Variants in RUBCNL observed in about 807,000 individuals in gnomAD.
RUBCNL encodes the protein rubicon like autophagy enhancer.
RUBCNL carries 62 observed loss-of-function variants against 69.5 expected under a neutral mutation model. That is an observed-to-expected ratio of 0.89 (90% confidence interval 0.73 to 1.10). The LOEUF is 1.10. Among genes scored for constraint, RUBCNL ranks in the 50% least tolerant of loss-of-function variants. RUBCNL has a pLI of 0.00. For missense variants in RUBCNL, 768 were observed against 798.1 expected (o/e 0.96, Z 0.45); for synonymous variants, 291 against 303.6 (o/e 0.96, Z 0.43).
At chr13:46,382,156 TCAGTAA>T (rs1165708181) in intron 1 of RUBCNL, among the ~76,000 whole-genome samples, 2 of 152,036 alleles carry the variant, frequency 1.3e-5, no homozygotes, top group Non-Finnish European at 2.9e-5. Context: ...TATCTCAATC[TCAGTAA>T]CAGTATTTTT....
Position 46,337,114 on chromosome 13 carries a change from TTCTC to T in RUBCNL, c.*6267_*6270del, listed in dbSNP as rs753681419. 1.4e-4 allele frequency among the ~76,000 whole-genome samples: 21 copies of T among 148,662 alleles called. No homozygotes were observed. The highest frequency in any genetic ancestry group is 3.4e-4 in the Admixed American group (5 of 14,834). On this transcript the variant is annotated 3_prime_UTR_variant, in exon 15 of 15. Transcript: ENST00000429979. ...CCCTTGTAAAACAGACCCCAGGGGG[TTCTC>T]TCTCTCTCTCTTTTCCTTTTTCTTT...
At position 46,351,100 on chromosome 13, in the gene RUBCNL, A is replaced by AG. The variant is rs1337498967; in HGVS notation, c.1331-750dup. ...CAACATAGTGGGACCCCATCTCCAC[A>AG]GAAAAAAAAAAAAAATTAGCCAGGC... On this transcript the variant is annotated intron_variant, in intron 10 of 14. Coordinates refer to ENST00000429979, the MANE Select transcript of RUBCNL (RefSeq NM_025113.5). 5.3e-5 allele frequency: 7 copies of AG among 132,768 alleles called. 1 individual carries two copies. Among genetic ancestry groups the AG allele is most frequent in the African/African-American group, 2.1e-4 (6 of 28,680 alleles). 8.2% of individuals were successfully genotyped at this position (132,768 alleles called of 1,614,324 possible).
chr13:46,380,157 A>C (rs1275700172), intron 1 of RUBCNL, among the ~76,000 whole-genome samples: 3 of 152,228 alleles, frequency 2.0e-5, no homozygotes, highest in Non-Finnish European at 4.4e-5. Context: ...TGCTGTCAGA[A>C]GAACACAACA....
chr13:46,366,433 C>A (rs1454058998), intron 5 of RUBCNL, among the ~76,000 whole-genome samples: 3 of 152,144 alleles, frequency 2.0e-5, no homozygotes, highest in Non-Finnish European at 4.4e-5. Context: ...AGATGAGAGG[C>A]CCAAAGTCCC....
intron 10 of RUBCNL, chr13:46,354,874 TAAC>T (rs1386328085): frequency 5.5e-5 from 25 of 456,334 alleles, no homozygotes; most frequent in Admixed American, 3.5e-4. Context: ...CTTAGGGAAA[TAAC>T]AAAAAGTTGG....
chr13:46,335,244 TG>T lies in RUBCNL; in HGVS notation c.*8140del, dbSNP rs2048096913. On this transcript the variant is annotated 3_prime_UTR_variant, in exon 15 of 15. Coordinates refer to ENST00000429979, the MANE Select transcript of RUBCNL (RefSeq NM_025113.5). ...TGTGCCCAGCTAATTTGTGTCTTTT[TG>T]TTGTTGTTGTTGTTGTTTTTTTTTT... Among the ~76,000 whole-genome samples the T allele has an allele frequency of 8.2e-6, 1 of 122,258 alleles. No homozygotes were observed. The highest frequency in any genetic ancestry group is 3.0e-5 in the African/African-American group (1 of 33,034). 80.2% of individuals were successfully genotyped at this position (122,258 alleles called of 152,430 possible). A position where few individuals can be genotyped will look rare whatever the true frequency, so the allele number is the denominator to read the frequency against.
intron 10 of RUBCNL, among the ~76,000 whole-genome samples, chr13:46,353,857 A>AAATGTACTCAATGTACTACTC (rs1475398456): frequency 6.6e-6 from 1 of 152,222 alleles, no homozygotes; most frequent in African/African-American, 2.4e-5. Flanking sequence ...TGAGTACTTG[A>AAATGTACTCAATGTACTACTC]AATGTAGTTA....
chr13:46,352,438 A>G (rs2048389656), intron 10 of RUBCNL, among the ~76,000 whole-genome samples: 1 of 152,230 alleles, frequency 6.6e-6, no homozygotes. Flanking sequence ...GAAATCATGG[A>G]TGGGAAAGCA....
intron 10 of RUBCNL, 136 bp downstream of exon 10, chr13:46,356,296 G>A (rs374888826): frequency 1.3e-6 from 1 of 796,498 alleles, no homozygotes; most frequent in Non-Finnish European, 2.0e-6. Context: ...CTCATGAAAA[G>A]GAGGGCAACT....
At chr13:46,387,446 C>T (rs985767808), upstream of RUBCNL, 1 of 985,318 alleles carries the variant, frequency 1.0e-6, no homozygotes, top group Non-Finnish European at 1.2e-6. Context: ...TGCCGCGGCG[C>T]CCGGGCCCAG....
intron 10 of RUBCNL, 66 bp downstream of exon 10, chr13:46,356,366 G>A: frequency 1.3e-6 from 2 of 1,492,962 alleles, no homozygotes; most frequent in South Asian, 2.4e-5. Flanking sequence ...GCAATGCGCT[G>A]CCCTACTTTG....
chr13:46,368,655 G>A (rs1259343074), intron 4 of RUBCNL, 78 bp downstream of exon 4: 1 of 1,383,406 alleles, frequency 7.2e-7, no homozygotes, highest in Non-Finnish European at 9.9e-7. Flanking sequence ...TCAAATTGAA[G>A]TTTCCAGATT....
intron 9 of RUBCNL, 96 bp from the exon 10 acceptor site, chr13:46,356,592 A>G: frequency 1.0e-6 from 1 of 961,714 alleles, no homozygotes. Flanking sequence ...ATACTTTTCT[A>G]ACTAAGGGCC....
In RUBCNL at chr13:46,362,603, G is replaced by A. The variant is rs773430887; in HGVS notation, c.926-5C>T. ...TATCATTAAAATCTCCAAGCTCTGT[G>A]GGAAAATAAAAGAAAGAGTGGTGAG... On this transcript the variant is annotated splice_polypyrimidine_tract_variant and splice_region_variant and intron_variant, in intron 6 of 14. Transcript: ENST00000429979. 6 of 1,602,366 alleles carry A rather than the reference G, an allele frequency of 3.7e-6. No homozygotes were observed. The highest frequency in any genetic ancestry group is 2.0e-4 in the Middle Eastern group (1 of 5,126).
At chr13:46,353,099 ACTC>A (rs367946621) in intron 10 of RUBCNL, among the ~76,000 whole-genome samples, 70 of 151,536 alleles carry the variant, frequency 4.6e-4, no homozygotes, top group Non-Finnish European at 8.3e-4. Context: ...ATCATGTCCC[ACTC>A]CTCCTCCGCT....
At chr13:46,379,823 T>A (rs751043973) in intron 1 of RUBCNL, among the ~76,000 whole-genome samples, 4 of 152,254 alleles carry the variant, frequency 2.6e-5, no homozygotes, top group African/African-American at 9.6e-5. Context: ...ACTTCTTCCC[T>A]TCTTTCTCAG....
chr13:46,353,110 G>A (rs1024828580), intron 10 of RUBCNL, among the ~76,000 whole-genome samples: 10 of 152,252 alleles, frequency 6.6e-5, no homozygotes, highest in East Asian at 1.9e-4. Context: ...CTCCTCCTCC[G>A]CTGCATTCGA....
rs1281882986 is a variant in RUBCNL at position 46,372,325 on chromosome 13, CT to C, written c.150del (p.Ala51LeufsTer31). The C allele has an allele frequency of 6.2e-7, 1 of 1,613,864 alleles. No homozygotes were observed. The highest frequency in any genetic ancestry group is 8.5e-7 in the Non-Finnish European group (1 of 1,179,898). On this transcript the variant is annotated frameshift_variant, in exon 3 of 15. Coordinates refer to ENST00000429979, the MANE Select transcript of RUBCNL (RefSeq NM_025113.5). LOFTEE classifies it high-confidence loss of function. Reference protein sequence around the residue: ...CQLDIRLMRHKAVWINPQDVQ... With the variant: ...CQLDIRLMRHXAVWINPQDVQ... ...ACATCCTGGGGGTTAATCCAGACAGCTTTGTGCCTCATGAGCCTGATGTCTA... is the reference window on the plus strand; with the variant it reads ...ACATCCTGGGGGTTAATCCAGACAGCTTGTGCCTCATGAGCCTGATGTCTA...
intron 8 of RUBCNL, among the ~76,000 whole-genome samples, chr13:46,360,959 C>G (rs1047270352): frequency 5.9e-5 from 9 of 152,082 alleles, no homozygotes; most frequent in Admixed American, 2.0e-4. Context: ...CACGGTGGCT[C>G]AGGCCTATAA....
Sources: allele counts gnomAD v4.1 joint callset (sites outside exome capture counted in the v4.1 genomes callset), GRCh38; gene constraint gnomAD v4.1.1; transcripts MANE v1.5; gene names NCBI Gene and HGNC (gene_info 2026-07-23, HGNC 2026-07-21).